The following ESRRB variants were observed in gnomAD, a reference collection of about 807,000 sequenced individuals.
ESRRB encodes estrogen related receptor beta.
A neutral mutation model predicts 46.0 loss-of-function variants in ESRRB; 16 were observed. The ratio of observed to expected loss-of-function variants is 0.35; its 90% CI spans 0.24 to 0.53. The LOEUF is 0.53. Ranked by LOEUF, ESRRB falls within the 20% of genes least tolerant of loss-of-function variation. The pLI is 0.93. For synonymous variants in ESRRB, 246 were observed against 259.6 expected (o/e 0.95, Z 0.50); for missense variants, 488 against 607.4 (o/e 0.80, Z 2.07).
chr14:76,472,758 C>G (rs1867657), intron 3 of ESRRB, among the ~76,000 whole-genome samples: 17,368 of 152,288 alleles, frequency 0.11, 1,062 homozygotes, highest in East Asian at 0.17. Context: ...ACATCACCTT[C>G]TGGGTGGTTT....
chr14:76,363,445 G>A (rs971126618), intron 1 of ESRRB, among the ~76,000 whole-genome samples: 7 of 152,094 alleles, frequency 4.6e-5, no homozygotes, highest in South Asian at 2.1e-4. Flanking sequence ...TTCTTGTTCC[G>A]GCTGCCCTTC....
At chr14:76,425,734 G>T (rs950850245) in intron 1 of ESRRB, among the ~76,000 whole-genome samples, 2 of 152,004 alleles carry the variant, frequency 1.3e-5, no homozygotes, top group African/African-American at 4.8e-5. Flanking sequence ...TTTGAGACAG[G>T]GTCTCACTCT....
At chr14:76,442,494 T>C (rs1307036647) in intron 2 of ESRRB, among the ~76,000 whole-genome samples, 1 of 151,920 alleles carries the variant, frequency 6.6e-6, no homozygotes, top group Non-Finnish European at 1.5e-5. Context: ...ATAATAAAAC[T>C]TTAAAAAATA....
chr14:76,478,759 A>G (rs1889685207), intron 3 of ESRRB, among the ~76,000 whole-genome samples: 1 of 152,120 alleles, frequency 6.6e-6, no homozygotes, highest in African/African-American at 2.4e-5. Context: ...GGAGGCTTCT[A>G]TGTAGACATG....
chr14:76,378,719 C>T (rs1383058164), intron 1 of ESRRB, among the ~76,000 whole-genome samples: 5 of 152,122 alleles, frequency 3.3e-5, no homozygotes, highest in Non-Finnish European at 5.9e-5. Flanking sequence ...GGCATCATTT[C>T]AAGGACGAGC....
At chr14:76,429,288 A>C (rs191450234) in intron 1 of ESRRB, among the ~76,000 whole-genome samples, 14 of 152,170 alleles carry the variant, frequency 9.2e-5, no homozygotes, top group Admixed American at 3.3e-4. Context: ...ATTATCTGAA[A>C]GTCACCAGGG....
At chr14:76,479,173 A>G (rs1003449360) in intron 3 of ESRRB, among the ~76,000 whole-genome samples, 11 of 152,186 alleles carry the variant, frequency 7.2e-5, no homozygotes, top group African/African-American at 2.2e-4. Flanking sequence ...GAGGAGGAAG[A>G]CAGCGGAGAC....
Position 76,500,889 on chromosome 14 carries a change from AT to A in ESRRB, c.*2432del. 1 of 709,686 alleles carries A rather than the reference AT, an allele frequency of 1.4e-6. No homozygotes were observed. The highest frequency in any genetic ancestry group is 2.0e-5 in the Admixed American group (1 of 49,008). The allele number at this position is 709,686 out of a possible 1,614,324, so 44.0% of individuals were successfully genotyped here. On this transcript the variant is annotated 3_prime_UTR_variant, in exon 7 of 7. Transcript: ENST00000644823. The stretch of plus-strand genomic sequence containing the variant: ...AGCTGCTTTTATACTTAAAACTCAG[AT>A]CACAACAGGAAATGTGTCAGTAACA...
chr14:76,335,872 G>A (rs928462377), intron 1 of ESRRB, among the ~76,000 whole-genome samples: 13 of 152,172 alleles, frequency 8.5e-5, no homozygotes, highest in African/African-American at 3.1e-4. Context: ...CCGGTGCTAA[G>A]CACTTTGCTG....
chr14:76,370,225 T>TAAAA (rs35273827), upstream of ESRRB, among the ~76,000 whole-genome samples: 786 of 140,144 alleles, frequency 5.6e-3, 11 homozygotes, highest in African/African-American at 0.02. Flanking sequence ...CCATCCCTGC[T>TAAAA]AAAAAAAAAA....
chr14:76,451,209 A>G (rs1355100076), intron 2 of ESRRB, among the ~76,000 whole-genome samples: 1 of 152,228 alleles, frequency 6.6e-6, no homozygotes, highest in African/African-American at 2.4e-5. Context: ...TTCACAGGTC[A>G]TGGTAAGGAA....
intron 1 of ESRRB, chr14:76,310,978 T>TCTCTC (rs1883723818): frequency 1.7e-5 from 6 of 362,684 alleles, no homozygotes; most frequent in African/African-American, 5.5e-5. Flanking sequence ...TCTGTCCCCT[T>TCTCTC]TCTCTCTCTC....
intron 2 of ESRRB, among the ~76,000 whole-genome samples, chr14:76,440,318 A>G (rs1015133110): frequency 3.3e-5 from 5 of 152,066 alleles, no homozygotes; most frequent in Admixed American, 3.3e-4. Flanking sequence ...TTATTTTTAA[A>G]TTAATGCATG....
Position 76,499,181 on chromosome 14 carries a change from C to T in ESRRB, c.*723C>T, listed in dbSNP as rs1890564520. ...GGGAGTCCCCCGCTACTTCCTGACC[C>T]TACCTCAGAGCTCACTCACCCAGTG... On this transcript the variant is annotated 3_prime_UTR_variant, in exon 7 of 7. Transcript: ENST00000644823. 1.4e-5 allele frequency: 4 copies of T among 295,730 alleles called. No homozygotes were observed. In the Admixed American group the frequency reaches 1.9e-4, roughly 14 times the overall value. The allele number at this position is 295,730 out of a possible 1,614,324, so 18.3% of individuals were successfully genotyped here. A position where few individuals can be genotyped will look rare whatever the true frequency, so the allele number is the denominator to read the frequency against.
At position 76,501,124 on chromosome 14, in the gene ESRRB, C is replaced by G; in HGVS notation, c.*2666C>G. 1 of 219,178 alleles carries G rather than the reference C, an allele frequency of 4.6e-6. No homozygotes were observed. The highest frequency in any genetic ancestry group is 9.1e-6 in the Non-Finnish European group (1 of 109,878). The allele number at this position is 219,178 out of a possible 1,614,324, so 13.6% of individuals were successfully genotyped here. On this transcript the variant is annotated 3_prime_UTR_variant, in exon 7 of 7. Transcript: ENST00000644823. The stretch of plus-strand genomic sequence containing the variant: ...CAGTGGAACAGATCTCAAGTTTACC[C>G]TAAACCTGCCATTTCTGGAAAATCT...
At chr14:76,410,205 C>T (rs1383228826) in intron 1 of ESRRB, among the ~76,000 whole-genome samples, 2 of 152,154 alleles carry the variant, frequency 1.3e-5, no homozygotes, top group Non-Finnish European at 2.9e-5. Flanking sequence ...GCCTGGGCGA[C>T]AGAGCAAGAC....
At chr14:76,332,729 TTATATATTA>T (rs1291432175) in intron 1 of ESRRB, among the ~76,000 whole-genome samples, 3 of 13,864 alleles carry the variant, frequency 2.2e-4, no homozygotes, top group African/African-American at 3.3e-4. Context: ...TTATATATAT[TTATATATTA>T]TATATTTATA....
chr14:76,368,698 T>A (rs888340365), upstream of ESRRB, among the ~76,000 whole-genome samples: 45 of 152,186 alleles, frequency 3.0e-4, no homozygotes, highest in African/African-American at 1.1e-3. Context: ...TGAAGCTTGG[T>A]GTTCCCAGTT....
chr14:76,369,824 C>T (rs781590248), upstream of ESRRB, among the ~76,000 whole-genome samples: 32 of 152,166 alleles, frequency 2.1e-4, no homozygotes, highest in Non-Finnish European at 4.3e-4. Flanking sequence ...AACAACAATA[C>T]AAGTGTGTGT....
Sources: gnomAD v4.1 joint callset for allele counts (sites outside exome capture counted in the v4.1 genomes callset) on GRCh38, gnomAD v4.1.1 for gene constraint, MANE v1.5 for transcripts, NCBI Gene and HGNC (gene_info 2026-07-23, HGNC 2026-07-21) for gene names.